The following KRT40 variants were observed in gnomAD, a reference collection of about 807,000 sequenced individuals.
The protein encoded by KRT40 is keratin 40.
KRT40 carries 47 observed loss-of-function variants against 43.5 expected under a neutral mutation model. The ratio of observed to expected loss-of-function variants is 1.08; its 90% confidence interval spans 0.86 to 1.38. KRT40 has a LOEUF of 1.38. Ranked by LOEUF, KRT40 falls within the 40% of genes most tolerant of loss-of-function variation. The probability of loss-of-function intolerance (pLI) is 0.00; values close to 1 mark genes in which losing one functional copy is unlikely to be tolerated. For synonymous variants in KRT40, 212 were observed against 214.0 expected, an observed-to-expected ratio of 0.99 and a Z score of 0.08; for missense variants, 573 against 523.6, an observed-to-expected ratio of 1.09 and a Z score of -0.92.
intron 5 of KRT40, among the ~76,000 whole-genome samples, chr17:40,979,957 C>G (rs953694899): frequency 6.6e-6 from 1 of 152,068 alleles, no homozygotes; most frequent in African/African-American, 2.4e-5. Context: ...TCTAAATATC[C>G]TGACTTGATC....
chr17:40,984,860 A>AGTGTGT (rs1555567602), upstream of KRT40, among the ~76,000 whole-genome samples: 3 of 151,448 alleles, frequency 2.0e-5, no homozygotes, highest in East Asian at 1.9e-4. Context: ...TTGGGTTTAA[A>AGTGTGT]GTGTGTGTGT....
chr17:40,986,673 C>A (rs796449730), upstream of KRT40, among the ~76,000 whole-genome samples: 101 of 151,742 alleles, frequency 6.7e-4, 1 homozygote, highest in African/African-American at 2.2e-3. Flanking sequence ...CATATCATCA[C>A]CAGAAGAAAG....
chr17:40,983,341 T>A lies in KRT40; in HGVS notation c.448-213A>T, dbSNP rs139108587. ...AAAATAATGAAATAAAAAGGTTTAGTTTTTTAATAACATAAGACATTTTGC... is the reference window on the plus strand; with the variant it reads ...AAAATAATGAAATAAAAAGGTTTAGATTTTTAATAACATAAGACATTTTGC... On this transcript the variant is annotated intron_variant, in intron 1 of 6. Transcript: ENST00000377755. 5.4e-3 allele frequency among the ~76,000 whole-genome samples: 817 copies of A among 152,316 alleles called. 2 individuals are homozygous for A. Among genetic ancestry groups the A allele is most frequent in the African/African-American group, 0.019 (776 of 41,560 alleles).
In KRT40 at chr17:40,980,816, A is replaced by G. The variant is rs760964594; in HGVS notation, c.944T>C (p.Leu315Pro). 1.9e-5 allele frequency: 30 copies of G among 1,610,530 alleles called. No homozygotes were observed. Among genetic ancestry groups the G allele is most frequent in the Non-Finnish European group, 2.4e-5 (28 of 1,179,538 alleles). The change falls in exon 5 of 7, where the codon CTG (leucine) becomes CCG (proline). Residue 315 changes from leucine (L) to proline (P), a missense_variant. Physicochemically the swap from Leu to Pro is moderately conservative, Grantham distance 98 (BLOSUM62 -3). Transcript: ENST00000377755. ...TTGCTGTGCTTGGAGCTCAATTTCC[A>G]GAGCACTGGCTGTGCGTTTCAGTTC... ...ILELKRTASA[L>P]EIELQAQQSL...
chr17:40,984,269 GT>G lies in KRT40; in HGVS notation c.4del (p.Thr2LeufsTer54). 3 of 1,602,402 alleles carry G rather than the reference GT, an allele frequency of 1.9e-6. No individual in the cohort carries two copies. The highest frequency in any genetic ancestry group is 2.6e-6 in the Non-Finnish European group (3 of 1,171,506). MTSDCSSTHCSP... is the reference protein window; with the variant it reads MXSDCSSTHCSP... ...GCAGTGTGTGGAGGAGCAGTCAGAA[GT>G]CATCCTTCCAGAAGCAAAGACAGAG... is the stretch of plus-strand genomic sequence containing the variant. On this transcript the variant is annotated frameshift_variant, in exon 1 of 7. Coordinates refer to ENST00000377755, the MANE Select transcript of KRT40 (RefSeq NM_001389244.1). LOFTEE classifies it high-confidence loss of function.
chr17:40,983,257 G>A lies in KRT40; in HGVS notation c.448-129C>T, dbSNP rs541167729. 3 of 495,010 alleles carry A rather than the reference G, an allele frequency of 6.1e-6. No individual in the cohort carries two copies. In the South Asian group the frequency reaches 1.3e-4, roughly 22 times the overall value. The allele number at this position is 495,010 out of a possible 1,614,324, so 30.7% of individuals were successfully genotyped here. ...GAAAGTATAAAATCACCCTCAGCCT[G>A]CTTTTTTTTATTAACCTTGTCACTT... On this transcript the variant is annotated intron_variant, in intron 1 of 6. Transcript: ENST00000377755.
chr17:40,982,225 G>C (rs11078974), intron 3 of KRT40, 82 bp downstream of exon 3: 22 of 1,298,600 alleles, frequency 1.7e-5, no homozygotes, highest in Non-Finnish European at 2.2e-5. Flanking sequence ...GCCCAAATTC[G>C]ATTTACAAAC....
Position 40,978,096 on chromosome 17 carries a change from C to G in KRT40, c.*101G>C, listed in dbSNP as rs552046462. ...GAGGGCAATTCCAGGATATGAGAGC[C>G]TCCTGGATTTGTGCTTCCGGTTTGG... On this transcript the variant is annotated 3_prime_UTR_variant, in exon 7 of 7. Transcript: ENST00000377755. 3 of 826,846 alleles carry G rather than the reference C, an allele frequency of 3.6e-6. No homozygotes were observed. In the African/African-American group the frequency reaches 5.0e-5, roughly 14 times the overall value. 51.2% of individuals were successfully genotyped at this position (826,846 alleles called of 1,614,324 possible).
At chr17:40,979,446 A>G (rs11078971) in intron 5 of KRT40, among the ~76,000 whole-genome samples, 144,179 of 151,310 alleles carry the variant, frequency 0.95, 68,754 homozygotes, top group East Asian at 1. Flanking sequence ...AGCTTGCAGT[A>G]AGTCAAGATC....
At chr17:40,980,372 G>T (rs1203507691) in intron 5 of KRT40, among the ~76,000 whole-genome samples, 4 of 152,196 alleles carry the variant, frequency 2.6e-5, no homozygotes, top group Non-Finnish European at 5.9e-5. Context: ...GGGGGGTGGT[G>T]CAGTGAAGGA....
At chr17:40,983,798 G>T in intron 1 of KRT40, 29 bp downstream of exon 1, 2 of 1,597,786 alleles carry the variant, frequency 1.3e-6, no homozygotes, top group South Asian at 2.2e-5. Context: ...GATCAGGAAG[G>T]TGGAGCACTA....
At chr17:40,986,270 C>CAAAG (rs1264478339), upstream of KRT40, 2 of 152,326 alleles carry the variant, frequency 1.3e-5, no homozygotes, top group Non-Finnish European at 2.9e-5. Flanking sequence ...AAACAAAAAA[C>CAAAG]AAAGAAAGAA....
At chr17:40,985,733 T>C (rs1461314038), upstream of KRT40, among the ~76,000 whole-genome samples, 1 of 152,164 alleles carries the variant, frequency 6.6e-6, no homozygotes, top group East Asian at 1.9e-4. Context: ...GTTCTTAGAG[T>C]GTCTCATGGT....
chr17:40,980,759 A>G, intron 5 of KRT40, 26 bp downstream of exon 5: 2 of 1,565,618 alleles, frequency 1.3e-6, no homozygotes, highest in Non-Finnish European at 1.7e-6. Flanking sequence ...CAGTGACACA[A>G]CGGACACTGC....
rs1170717759 is a variant in KRT40, at chr17:40,981,050, A to T, written c.789T>A (p.Cys263Ter). 5.0e-6 allele frequency: 8 copies of T among 1,614,114 alleles called. No individual in the cohort carries two copies. The Admixed American group carries it at 1.3e-4, about 27-fold the overall frequency. Reference protein sequence around the residue: ...DLNRVLDEMRCQCETVLANNR... With the variant: ...DLNRVLDEMR ...TGTTGGCAAGCACCGTTTCACACTG[A>T]CAGCGCATCTCATCCAGGACCCTGT... The change falls in exon 4 of 7, where the codon TGT becomes TGA. Residue 263 changes from cysteine (C) to a stop codon, truncating the protein, a stop_gained. Coordinates refer to ENST00000377755, the MANE Select transcript of KRT40 (RefSeq NM_001389244.1). LOFTEE classifies it high-confidence loss of function.
chr17:40,984,408 A>G, upstream of KRT40: 2 of 641,378 alleles, frequency 3.1e-6, no homozygotes, highest in Non-Finnish European at 5.3e-6. Flanking sequence ...TTTATCACTG[A>G]TGGTGCCAGT....
rs1200904397 is a variant in KRT40, at chr17:40,978,998, T to C, written c.1002A>G (p.Ala334=). Residue 334 remains alanine (A), a synonymous_variant, in exon 6 of 7, where the codon GCA becomes GCG. Transcript: ENST00000377755. ...GGGAGCTGTACTGGGCCTCGGTTTCTGCCACGGTGCATTCCAGAGATTCTG... is the reference window on the plus strand; with the variant it reads ...GGGAGCTGTACTGGGCCTCGGTTTCCGCCACGGTGCATTCCAGAGATTCTG... ...SLTESLECTV[A]ETEAQYSSQL... is the part of the protein sequence containing the mutation. 1 of 1,613,960 alleles carries C rather than the reference T, an allele frequency of 6.2e-7. No homozygotes were observed. Among genetic ancestry groups the C allele is most frequent in the Non-Finnish European group, 8.5e-7 (1 of 1,179,932 alleles).
chr17:40,980,926 CA>C lies in KRT40; in HGVS notation c.850-17del, dbSNP rs746881105. ...GCTCTTCTGTCTGAAACACAGACAC[CA>C]TTAGAGAATTCAAAAAAGGCAGAAG... On this transcript the variant is annotated splice_polypyrimidine_tract_variant and intron_variant, in intron 4 of 6. Coordinates refer to ENST00000377755, the MANE Select transcript of KRT40 (RefSeq NM_001389244.1). 1.2e-6 allele frequency: 2 copies of C among 1,614,184 alleles called. No individual in the cohort carries two copies. The highest frequency in any genetic ancestry group is 4.5e-5 in the East Asian group (2 of 44,888).
chr17:40,980,861 C>T lies in KRT40; in HGVS notation c.899G>A (p.Gly300Asp). Residue 300 changes from glycine (G) to aspartate (D), a missense_variant, in exon 5 of 7, where the codon GGC (glycine) becomes GAC (aspartate). Gly to Asp is a moderately conservative substitution (Grantham distance 94, BLOSUM62 -1). Transcript: ENST00000377755. Reference sequence around the variant, plus strand: ...CAGTTCCAAGATCTCCATCTGGCAGCCCTGCAGCTGCTCCGCGCTGGACAG... The same window carrying T: ...CAGTTCCAAGATCTCCATCTGGCAGTCCTGCAGCTGCTCCGCGCTGGACAG... ...QQLSSAEQLQ[G>D]CQMEILELKR... The T allele has an allele frequency of 6.2e-7, 1 of 1,613,702 alleles. No homozygotes were observed. Among genetic ancestry groups the T allele is most frequent in the African/African-American group, 1.3e-5 (1 of 74,990 alleles).
Sources: allele counts gnomAD v4.1 joint callset (sites outside exome capture counted in the v4.1 genomes callset), GRCh38; gene constraint gnomAD v4.1.1; transcripts MANE v1.5; gene names NCBI Gene and HGNC (gene_info 2026-07-23, HGNC 2026-07-21).